FRMPD3: variants seen among roughly 807,000 people sequenced by gnomAD.
FRMPD3 encodes FERM and PDZ domain-containing protein 3.
A neutral mutation model predicts 97.9 loss-of-function variants in FRMPD3; 42 were observed. That is an observed-to-expected ratio of 0.43 (90% CI 0.34 to 0.55). FRMPD3 has a LOEUF of 0.55. FRMPD3 is among the 20% of genes least tolerant of loss of function. FRMPD3 has a pLI of 0.03. For missense variants in FRMPD3, 1,303 were observed against 1,457.7 expected (o/e 0.89, Z 1.73); for synonymous variants, 577 against 581.1 (o/e 0.99, Z 0.10).
Position 107,600,760 on chromosome X carries a change from G to A in FRMPD3, c.2721G>A (p.Arg907=), listed in dbSNP as rs181763252. 5 of 1,203,844 alleles carry A rather than the reference G, an allele frequency of 4.2e-6. No individual in the cohort carries two copies. The African/African-American group carries it at 7.0e-5, about 17-fold the overall frequency. The stretch of plus-strand genomic sequence containing the variant: ...AGGACAAAGGGCCTGGCCACACTAG[G>A]GCAGGCCTAGAAATGTCACTGAGGG... ...VPEDKGPGHT[R]AGLEMSLRAA... Residue 907 remains arginine, a synonymous_variant, in exon 15 of 15, where the codon AGG becomes AGA. Coordinates refer to ENST00000683843, the MANE Select transcript of FRMPD3 (RefSeq NM_001388459.1).
At chrX:107,451,686 TTTTG>T (rs1931294232) in intron 1 of FRMPD3, among the ~76,000 whole-genome samples, 1 of 112,537 alleles carries the variant, frequency 8.9e-6, no homozygotes, top group African/African-American at 3.2e-5. Context: ...TGGCTTGTTT[TTTTG>T]TTTGTTTGTT....
intron 5 of FRMPD3, among the ~76,000 whole-genome samples, chrX:107,547,365 C>T (rs1280787246): frequency 9.0e-6 from 1 of 110,660 alleles, no homozygotes; most frequent in African/African-American, 3.3e-5. Context: ...TTCTCTTCCT[C>T]TCCCTTCTAC....
chrX:107,603,713 CGCTG>C lies in FRMPD3; in HGVS notation c.*342_*345del. ...CACTTCCTGCTCAATCCGTGTTGGG[CGCTG>C]GGGGAGCCAGGGCCTGAAGCAAGCG... On this transcript the variant is annotated 3_prime_UTR_variant, in exon 15 of 15. Transcript: ENST00000683843. 2 of 178,672 alleles carry C rather than the reference CGCTG, an allele frequency of 1.1e-5. No individual in the cohort carries two copies. The highest frequency in any genetic ancestry group is 7.0e-5 in the Admixed American group (1 of 14,280). The allele number at this position is 178,672 out of a possible 1,213,427, so 14.7% of individuals were successfully genotyped here.
intron 1 of FRMPD3, among the ~76,000 whole-genome samples, chrX:107,516,380 G>A (rs1351079620): frequency 9.0e-6 from 1 of 110,926 alleles, no homozygotes; most frequent in Non-Finnish European, 1.9e-5. Context: ...TAATCCTTTG[G>A]GTATATACCC....
chrX:107,553,026 G>T (rs1438892096), intron 7 of FRMPD3, 100 bp downstream of exon 7: 6 of 922,611 alleles, frequency 6.5e-6, no homozygotes, highest in Non-Finnish European at 8.8e-6. Flanking sequence ...ATGCTCAGCC[G>T]GTTCCCAGAA....
chrX:107,467,709 T>TCTCC (rs766859288), intron 1 of FRMPD3, among the ~76,000 whole-genome samples: 166 of 110,579 alleles, frequency 1.5e-3, no homozygotes, highest in African/African-American at 5.0e-3. Context: ...CCTCTCTCTC[T>TCTCC]CTCTCCATTT....
rs1924724625 is a variant in FRMPD3, at chrX:107,604,439, T to C, written c.*1066T>C. 1 of 110,435 alleles carries C rather than the reference T, an allele frequency of 9.1e-6. No homozygotes were observed. Among genetic ancestry groups the C allele is most frequent in the African/African-American group, 3.3e-5 (1 of 30,173 alleles). The allele number at this position is 110,435 out of a possible 1,213,427, so 9.1% of individuals were successfully genotyped here. A position where few individuals can be genotyped will look rare whatever the true frequency, so the allele number is the denominator to read the frequency against. ...TCTCTAAGAAAAGAAGCTGAGCGCC[T>C]TACCCGGTGCAGTCCTGCACCTTTC... On this transcript the variant is annotated 3_prime_UTR_variant, in exon 15 of 15. Transcript: ENST00000683843.
rs376425208 is a variant in FRMPD3, at chrX:107,563,199, T to G, written c.1115T>G (p.Leu372Arg). 40 of 1,199,350 alleles carry G rather than the reference T, an allele frequency of 3.3e-5. No homozygotes were observed. The highest frequency in any genetic ancestry group is 4.4e-5 in the Non-Finnish European group (39 of 887,595). Residue 372 changes from leucine to arginine, a missense_variant and splice_region_variant, in exon 11 of 15, where the codon CTG becomes CGG. This residue lies in a region of FRMPD3 where 535 missense variants were observed against 618.6 expected (regional missense o/e 0.86). Coordinates refer to ENST00000683843, the MANE Select transcript of FRMPD3 (RefSeq NM_001388459.1). ...GGCGTTTTGTTCAACACTGTAGGCCTGGTCAGTGGCGCAGGATTGGGGGAT... is the reference window on the plus strand; with the variant it reads ...GGCGTTTTGTTCAACACTGTAGGCCGGGTCAGTGGCGCAGGATTGGGGGAT... ...FTGVLFNTVG[L>R]DEKQSATTLL...
chrX:107,515,629 A>G (rs999094537), intron 1 of FRMPD3, among the ~76,000 whole-genome samples: 1 of 112,265 alleles, frequency 8.9e-6, no homozygotes, highest in African/African-American at 3.2e-5. Context: ...TTGTTGCCCA[A>G]GGGACCAGGA....
chrX:107,499,996 A>G (rs1446817872), intron 1 of FRMPD3, among the ~76,000 whole-genome samples: 2 of 111,770 alleles, frequency 1.8e-5, no homozygotes, highest in African/African-American at 3.3e-5. Flanking sequence ...TCCTCTCACC[A>G]TGTTAAAGAG....
At chrX:107,548,665 G>A (rs1011754416) in intron 5 of FRMPD3, among the ~76,000 whole-genome samples, 1 of 112,363 alleles carries the variant, frequency 8.9e-6, no homozygotes, top group Non-Finnish European at 1.9e-5. Flanking sequence ...GCAGCATAGT[G>A]AGACCCTGTC....
intron 1 of FRMPD3, among the ~76,000 whole-genome samples, chrX:107,459,346 A>G (rs1484649776): frequency 2.7e-5 from 3 of 112,440 alleles, no homozygotes; most frequent in African/African-American, 9.7e-5. Flanking sequence ...GCACTTGGGA[A>G]TCATCTCAGT....
At position 107,561,081 on chromosome X, in the gene FRMPD3, G is replaced by A. The variant is rs779854254; in HGVS notation, c.1026+228G>A. Among the ~76,000 whole-genome samples, 30 of 112,317 alleles carry A rather than the reference G, an allele frequency of 2.7e-4. No homozygotes were observed. In the South Asian group the frequency reaches 5.9e-3, roughly 22 times the overall value. On this transcript the variant is annotated intron_variant, in intron 10 of 14. Coordinates refer to ENST00000683843, the MANE Select transcript of FRMPD3 (RefSeq NM_001388459.1). ...TGACACATCACTGAGAGAGCTCAGG[G>A]TCCTCAAAGCAAAGGGGCCAAGATG...
chrX:107,581,964 T>A (rs1923410144), intron 13 of FRMPD3, among the ~76,000 whole-genome samples: 1 of 111,564 alleles, frequency 9.0e-6, no homozygotes, highest in Non-Finnish European at 1.9e-5. Context: ...GTTATAAACA[T>A]TCATGTTTAT....
rs767558540 is a variant in FRMPD3, at chrX:107,565,186, T to C, written c.1296+120T>C. The C allele has an allele frequency of 4.2e-5, 30 of 712,080 alleles. No homozygotes were observed. In the South Asian group the frequency reaches 8.5e-4, roughly 20 times the overall value. 58.7% of individuals were successfully genotyped at this position (712,080 alleles called of 1,213,427 possible). A position where few individuals can be genotyped will look rare whatever the true frequency, so the allele number is the denominator to read the frequency against. ...GTGAGGTTCAGTAATTCTGAAGTGG[T>C]TCAACCCTGGGACTCTTTGGGCTAA... is the stretch of plus-strand genomic sequence containing the variant. On this transcript the variant is annotated intron_variant, in intron 12 of 14. Coordinates refer to ENST00000683843, the MANE Select transcript of FRMPD3 (RefSeq NM_001388459.1).
At chrX:107,560,983 G>T in intron 10 of FRMPD3, 130 bp downstream of exon 10, 1 of 706,057 alleles carries the variant, frequency 1.4e-6, no homozygotes, top group Admixed American at 4.1e-5. Context: ...GTGCACATAC[G>T]GCTTGGCCAG....
chrX:107,600,415 C>T lies in FRMPD3; in HGVS notation c.2376C>T (p.His792=), dbSNP rs369613160. Residue 792 remains histidine (H), a synonymous_variant, in exon 15 of 15, where the codon CAC becomes CAT. Transcript: ENST00000683843. The part of the protein sequence containing the change: ...MSEMMSAMKQ[H]QNTTYFLAQH... Reference sequence around the variant, plus strand: ...AGATGATGTCGGCCATGAAGCAGCACCAGAACACCACCTACTTCCTGGCCC... The same window carrying T: ...AGATGATGTCGGCCATGAAGCAGCATCAGAACACCACCTACTTCCTGGCCC... 2.7e-4 allele frequency: 324 copies of T among 1,208,903 alleles called. 3 individuals are homozygous for T. In the Middle Eastern group the frequency reaches 0.011, roughly 40 times the overall value.
At position 107,554,499 on chromosome X, in the gene FRMPD3, A is replaced by T. The variant is rs766110930; in HGVS notation, c.757A>T (p.Ile253Phe). Residue 253 changes from isoleucine to phenylalanine, a missense_variant, in exon 8 of 15, where the codon ATC (isoleucine) becomes TTC (phenylalanine). Around this residue, in one of 3 missense-constraint regions of FRMPD3, gnomAD observed 535 missense variants for 618.6 expected, o/e 0.86. Coordinates refer to ENST00000683843, the MANE Select transcript of FRMPD3 (RefSeq NM_001388459.1). ...TCCTGCTGCTTTTGAGTACCTATAC[A>T]TCCAGGTAGAGTCTGGCTTGGGGAT... ...RDPAAFEYLY[I>F]QSRNDVIRER... is the part of the protein sequence containing the mutation. 6 of 1,206,844 alleles carry T rather than the reference A, an allele frequency of 5.0e-6. No individual in the cohort carries two copies. Among genetic ancestry groups the T allele is most frequent in the Non-Finnish European group, 6.7e-6 (6 of 893,326 alleles).
intron 2 of FRMPD3, among the ~76,000 whole-genome samples, chrX:107,529,636 T>C (rs769843867): frequency 1.8e-5 from 2 of 110,573 alleles, no homozygotes; most frequent in Non-Finnish European, 3.8e-5. Context: ...AAAACAAATA[T>C]CCAACTGCCC....
Sources: gnomAD v4.1 joint callset for allele counts (sites outside exome capture counted in the v4.1 genomes callset) on GRCh38, gnomAD v4.1.1 for gene constraint, gnomAD v4.1.1 regional missense constraint, MANE v1.5 for transcripts, NCBI Gene and HGNC (gene_info 2026-07-23, HGNC 2026-07-21) for gene names.